The following SDK1 variants were observed in gnomAD, a reference collection of about 807,000 sequenced individuals.
The protein encoded by SDK1 is sidekick cell adhesion molecule 1, also known as protein sidekick-1.
A neutral mutation model predicts 245.5 loss-of-function variants in SDK1; 157 were observed. The observed-to-expected ratio is 0.64, with a 90% CI of 0.56 to 0.73. The LOEUF (loss-of-function observed/expected upper bound fraction) is 0.73. Ranked by LOEUF, SDK1 falls within the 30% of genes least tolerant of loss-of-function variation. The probability of loss-of-function intolerance (pLI) is 0.00; values close to 1 mark genes in which losing one functional copy is unlikely to be tolerated. For synonymous variants in SDK1, 1,647 were observed against 1,278.5 expected (o/e 1.29, Z -6.15); for missense variants, 3,583 against 3,002.3 (o/e 1.19, Z -4.52).
chr7:3,440,525 A>G (rs1306929165), intron 1 of SDK1, among the ~76,000 whole-genome samples: 1 of 152,176 alleles, frequency 6.6e-6, no homozygotes, highest in Non-Finnish European at 1.5e-5. Flanking sequence ...CAGTGATCAG[A>G]TCAACTGTTG....
chr7:3,704,098 G>T (rs182944040), intron 4 of SDK1, among the ~76,000 whole-genome samples: 1 of 151,958 alleles, frequency 6.6e-6, no homozygotes, highest in African/African-American at 2.4e-5. Flanking sequence ...ATGCCTTTGC[G>T]TATCCACAGC....
chr7:3,989,386 G>C (rs1181086002), intron 14 of SDK1, among the ~76,000 whole-genome samples: 6 of 152,126 alleles, frequency 3.9e-5, no homozygotes, highest in Admixed American at 1.3e-4. Flanking sequence ...CTCCCACCGG[G>C]TCCCTCCCAC....
At chr7:3,647,438 T>G (rs1389653681) in intron 4 of SDK1, among the ~76,000 whole-genome samples, 1 of 152,220 alleles carries the variant, frequency 6.6e-6, no homozygotes, top group African/African-American at 2.4e-5. Flanking sequence ...GTTTTGAAAG[T>G]TGGAGACAGT....
intron 1 of SDK1, among the ~76,000 whole-genome samples, chr7:3,352,549 C>T (rs1043835381): frequency 6.6e-5 from 10 of 152,074 alleles, no homozygotes; most frequent in Non-Finnish European, 1.0e-4. Flanking sequence ...CCTGTAGTTA[C>T]GTGTTCTTTG....
At position 3,574,231 on chromosome 7, in the gene SDK1, C is replaced by G. The variant is rs569621158; in HGVS notation, c.299-44849C>G. Among the ~76,000 whole-genome samples, 12 of 151,924 alleles carry G rather than the reference C, an allele frequency of 7.9e-5. No homozygotes were observed. In the South Asian group the frequency reaches 2.1e-3, roughly 26 times the overall value. On this transcript the variant is annotated intron_variant, in intron 1 of 44. Transcript: ENST00000404826. ...TCCTAGATTCAAGCAATTCTCCTGTCTCAGCCTCCCGAGCAGCTGGGATTG... is the reference window on the plus strand; with the variant it reads ...TCCTAGATTCAAGCAATTCTCCTGTGTCAGCCTCCCGAGCAGCTGGGATTG...
At chr7:3,691,631 G>C (rs941635192) in intron 4 of SDK1, among the ~76,000 whole-genome samples, 1 of 62,372 alleles carries the variant, frequency 1.6e-5, no homozygotes, top group Non-Finnish European at 3.7e-5. Flanking sequence ...ATGATGCATT[G>C]TGAACTGATA....
At chr7:3,564,618 A>G (rs1301756999) in intron 1 of SDK1, among the ~76,000 whole-genome samples, 3 of 152,178 alleles carry the variant, frequency 2.0e-5, no homozygotes, top group Admixed American at 2.0e-4. Context: ...AGCTAAATAA[A>G]ATGAATAAAT....
At position 3,969,251 on chromosome 7, in the gene SDK1, C is replaced by A. The variant is rs1008451516; in HGVS notation, c.1547-6C>A. On this transcript the variant is annotated splice_region_variant and splice_polypyrimidine_tract_variant and intron_variant, in intron 10 of 44. Transcript: ENST00000404826. ...TAACATGCCTCTTTTCTCCACTGTT[C>A]TTTAGAAAACCACATTCTGGCCAGT... is the stretch of plus-strand genomic sequence containing the variant. 1 of 1,590,300 alleles carries A rather than the reference C, an allele frequency of 6.3e-7. No homozygotes were observed. The highest frequency in any genetic ancestry group is 1.3e-5 in the African/African-American group (1 of 74,174).
intron 1 of SDK1, among the ~76,000 whole-genome samples, chr7:3,309,041 G>A (rs1779487287): frequency 6.6e-6 from 1 of 152,114 alleles, no homozygotes; most frequent in African/African-American, 2.4e-5. Flanking sequence ...CAGTTTTAGA[G>A]TAAGGAGGGA....
At chr7:3,375,855 T>C (rs1320802560) in intron 1 of SDK1, among the ~76,000 whole-genome samples, 1 of 152,214 alleles carries the variant, frequency 6.6e-6, no homozygotes, top group Non-Finnish European at 1.5e-5. Flanking sequence ...TGCTCCTGAA[T>C]TTCTGACTCA....
At chr7:3,586,704 CAAA>C (rs57309941) in intron 1 of SDK1, among the ~76,000 whole-genome samples, 13 of 82,170 alleles carry the variant, frequency 1.6e-4, no homozygotes, top group Middle Eastern at 6.2e-3. Context: ...GACTCCGTCT[CAAA>C]AAAAAAAAAA....
At chr7:3,766,533 A>G (rs1188384003) in intron 4 of SDK1, among the ~76,000 whole-genome samples, 1 of 152,168 alleles carries the variant, frequency 6.6e-6, no homozygotes, top group African/African-American at 2.4e-5. Context: ...CCTGGTTAAT[A>G]TGGTTTTTGT....
At chr7:4,247,499 CATGTACGAAAGCA>C (rs1786963481) in intron 44 of SDK1, among the ~76,000 whole-genome samples, 2 of 152,358 alleles carry the variant, frequency 1.3e-5, no homozygotes, top group African/African-American at 4.8e-5. Flanking sequence ...AAGCTCGCTG[CATGTACGAAAGCA>C]GCAGGTTGTG....
intron 4 of SDK1, among the ~76,000 whole-genome samples, chr7:3,786,270 A>G (rs1268294970): frequency 6.6e-6 from 1 of 152,212 alleles, no homozygotes; most frequent in African/African-American, 2.4e-5. Flanking sequence ...ATCTTCCTGC[A>G]TAATAAGTAA....
At chr7:3,830,264 A>T (rs934946348) in intron 5 of SDK1, among the ~76,000 whole-genome samples, 1 of 152,156 alleles carries the variant, frequency 6.6e-6, no homozygotes, top group Non-Finnish European at 1.5e-5. Flanking sequence ...ACGTCTCCCA[A>T]TTATGCTGCG....
At chr7:3,803,398 C>G (rs1371239947) in intron 4 of SDK1, among the ~76,000 whole-genome samples, 2 of 151,374 alleles carry the variant, frequency 1.3e-5, no homozygotes, top group African/African-American at 2.4e-5. Flanking sequence ...GCAACCTCCA[C>G]CTCTGAAATT....
chr7:3,854,810 T>A (rs1363156776), intron 5 of SDK1, among the ~76,000 whole-genome samples: 1 of 152,062 alleles, frequency 6.6e-6, no homozygotes, highest in Non-Finnish European at 1.5e-5. Flanking sequence ...GGTACATAGA[T>A]AACAGAAAAG....
chr7:3,941,532 T>G (rs1451717721), intron 5 of SDK1, among the ~76,000 whole-genome samples: 2 of 151,950 alleles, frequency 1.3e-5, no homozygotes, highest in Admixed American at 6.6e-5. Context: ...CCTCCTTTTC[T>G]CCTATTCCTG....
At chr7:3,308,669 A>G (rs990403554) in intron 1 of SDK1, among the ~76,000 whole-genome samples, 1 of 152,094 alleles carries the variant, frequency 6.6e-6, no homozygotes, top group Non-Finnish European at 1.5e-5. Context: ...TTTTAAATGG[A>G]TAAGGCTAGG....
Sources: allele counts gnomAD v4.1 joint callset (sites outside exome capture counted in the v4.1 genomes callset), GRCh38; gene constraint gnomAD v4.1.1; transcripts MANE v1.5; gene names NCBI Gene and HGNC (gene_info 2026-07-23, HGNC 2026-07-21).